The following EPB41L4B variants were observed in gnomAD, a reference collection of about 807,000 sequenced individuals.
EPB41L4B encodes the protein erythrocyte membrane protein band 4.1 like 4B.
In EPB41L4B, 30 loss-of-function variants were observed where a neutral mutation model predicts 112.5. That is an observed-to-expected ratio of 0.27 (90% CI 0.20 to 0.36). The LOEUF is 0.36. Ranked by LOEUF, EPB41L4B falls within the 10% of genes least tolerant of loss-of-function variation. The pLI is 1.00. For synonymous variants in EPB41L4B, 408 were observed against 439.7 expected (o/e 0.93, Z 0.90); for missense variants, 1,024 against 1,133.3 (o/e 0.90, Z 1.38).
At chr9:109,178,249 GT>G (rs1831918150) in intron 24 of EPB41L4B, among the ~76,000 whole-genome samples, 1 of 151,886 alleles carries the variant, frequency 6.6e-6, no homozygotes, top group African/African-American at 2.4e-5. Flanking sequence ...GTTTTTGTTT[GT>G]TTTATATTTT....
chr9:109,184,199 T>C (rs904430434), intron 23 of EPB41L4B, among the ~76,000 whole-genome samples: 2 of 152,218 alleles, frequency 1.3e-5, no homozygotes, highest in African/African-American at 2.4e-5. Flanking sequence ...CAGATCATCA[T>C]GAAGCAGAAA....
chr9:109,271,228 G>A (rs553876972), intron 2 of EPB41L4B, among the ~76,000 whole-genome samples: 23 of 152,356 alleles, frequency 1.5e-4, no homozygotes, highest in Admixed American at 3.3e-4. Context: ...TTCAGCCATT[G>A]TGGGCTGGGC....
intron 15 of EPB41L4B, among the ~76,000 whole-genome samples, chr9:109,226,739 G>T (rs1024207106): frequency 2.1e-4 from 21 of 100,572 alleles, no homozygotes; most frequent in Non-Finnish European, 3.9e-4. Context: ...TATATATGAA[G>T]AATATATATA....
chr9:109,288,722 C>CAAAAAAAAGA (rs1836401810), intron 1 of EPB41L4B, among the ~76,000 whole-genome samples: 1 of 23,036 alleles, frequency 4.3e-5, no homozygotes, highest in Non-Finnish European at 6.7e-5. Context: ...GACTCCGTCT[C>CAAAAAAAAGA]AAAAAAAAAA....
chr9:109,242,867 CA>C (rs1834402146), intron 15 of EPB41L4B, among the ~76,000 whole-genome samples: 5 of 108,310 alleles, frequency 4.6e-5, no homozygotes, highest in East Asian at 5.6e-4. Context: ...AAAAAAAAAA[CA>C]AAAAACCTGT....
chr9:109,251,592 G>T, intron 12 of EPB41L4B, 81 bp from the exon 13 acceptor site: 1 of 1,273,232 alleles, frequency 7.9e-7, no homozygotes, highest in Non-Finnish European at 1.1e-6. Flanking sequence ...ATGGCCATGC[G>T]AGACTTCTAC....
At chr9:109,185,391 G>A in intron 23 of EPB41L4B, 98 bp downstream of exon 23, 2 of 984,260 alleles carry the variant, frequency 2.0e-6, no homozygotes, top group South Asian at 1.3e-5. Flanking sequence ...CCCGAGATCT[G>A]GGGCTTCTGC....
intron 16 of EPB41L4B, among the ~76,000 whole-genome samples, chr9:109,215,138 A>G (rs913826196): frequency 6.6e-6 from 1 of 152,148 alleles, no homozygotes; most frequent in Non-Finnish European, 1.5e-5. Context: ...AGACTCACAC[A>G]ATATCAGAGC....
At chr9:109,286,994 T>C (rs1322017477) in intron 1 of EPB41L4B, among the ~76,000 whole-genome samples, 1 of 152,212 alleles carries the variant, frequency 6.6e-6, no homozygotes, top group Non-Finnish European at 1.5e-5. Context: ...ACACATTAAC[T>C]TTTCCCAAAG....
chr9:109,264,315 G>A (rs1299634934), intron 5 of EPB41L4B, among the ~76,000 whole-genome samples: 1 of 152,110 alleles, frequency 6.6e-6, no homozygotes, highest in Non-Finnish European at 1.5e-5. Context: ...TTACTTTTTA[G>A]ACTCAATATA....
intron 3 of EPB41L4B, 64 bp downstream of exon 3, chr9:109,268,327 C>T: frequency 3.5e-6 from 5 of 1,448,592 alleles, no homozygotes; most frequent in Non-Finnish European, 4.8e-6. Context: ...CACCTCAAAA[C>T]ACTGGCAAAG....
chr9:109,316,636 G>C (rs1258631651), intron 1 of EPB41L4B, among the ~76,000 whole-genome samples: 1 of 152,226 alleles, frequency 6.6e-6, no homozygotes, highest in Non-Finnish European at 1.5e-5. Flanking sequence ...AAGAGGACTG[G>C]CTCAGGCTGG....
intron 20 of EPB41L4B, among the ~76,000 whole-genome samples, chr9:109,196,718 GA>G (rs34024676): frequency 0.37 from 31,444 of 84,572 alleles, 3,493 homozygotes; most frequent in East Asian, 0.43. Flanking sequence ...CCTTGTCTCC[GA>G]AAAAAAAAAA....
At chr9:109,210,191 G>A (rs1203995433) in intron 17 of EPB41L4B, among the ~76,000 whole-genome samples, 2 of 152,086 alleles carry the variant, frequency 1.3e-5, no homozygotes, top group Non-Finnish European at 2.9e-5. Flanking sequence ...TCATTTGACT[G>A]GATTCATTAT....
chr9:109,256,247 T>C, intron 8 of EPB41L4B, 23 bp from the exon 9 acceptor site: 1 of 1,609,250 alleles, frequency 6.2e-7, no homozygotes, highest in Non-Finnish European at 8.5e-7. Flanking sequence ...GAAGTGACAA[T>C]CGGTAGAGGG....
At chr9:109,259,236 C>T (rs1835104075) in intron 6 of EPB41L4B, among the ~76,000 whole-genome samples, 1 of 152,216 alleles carries the variant, frequency 6.6e-6, no homozygotes, top group Non-Finnish European at 1.5e-5. Context: ...GGTCACAGGC[C>T]TGCCCATTTG....
At chr9:109,181,272 G>T (rs908005674) in intron 24 of EPB41L4B, among the ~76,000 whole-genome samples, 1 of 152,160 alleles carries the variant, frequency 6.6e-6, no homozygotes, top group Non-Finnish European at 1.5e-5. Context: ...AAAGTGCTGG[G>T]ATTACAGGCA....
intron 14 of EPB41L4B, among the ~76,000 whole-genome samples, chr9:109,246,823 T>C (rs1258221123): frequency 2.6e-5 from 4 of 152,258 alleles, no homozygotes; most frequent in Non-Finnish European, 5.9e-5. Flanking sequence ...CATAGAAACG[T>C]ACCTGTGCTC....
At chr9:109,175,535 T>C (rs4978777) in intron 25 of EPB41L4B, among the ~76,000 whole-genome samples, 57,306 of 149,112 alleles carry the variant, frequency 0.38, 11,552 homozygotes, top group Middle Eastern at 0.48. Context: ...CATCTTTTCA[T>C]TGTTTTTAGT....
Sources: allele counts gnomAD v4.1 joint callset (sites outside exome capture counted in the v4.1 genomes callset), GRCh38; gene constraint gnomAD v4.1.1; transcripts MANE v1.5; gene names NCBI Gene and HGNC (gene_info 2026-07-23, HGNC 2026-07-21).